Variants in C3orf20 observed in about 807,000 individuals in gnomAD.
C3orf20 encodes family with sequence similarity 149 member C, also known as uncharacterized protein C3orf20.
A neutral mutation model predicts 88.3 loss-of-function variants in C3orf20; 76 were observed. The observed-to-expected ratio is 0.86, with a 90% CI of 0.72 to 1.04. C3orf20 has a LOEUF of 1.04. Ranked by LOEUF, C3orf20 falls within the 50% of genes least tolerant of loss-of-function variation. C3orf20 has a pLI of 0.00. For synonymous variants in C3orf20, 436 were observed against 437.4 expected, an observed-to-expected ratio of 1.00 and a Z score of 0.04; for missense variants, 1,056 against 1,123.3, an observed-to-expected ratio of 0.94 and a Z score of 0.86.
At chr3:14,703,778 C>T (rs1011564858) in intron 6 of C3orf20, among the ~76,000 whole-genome samples, 1 of 152,238 alleles carries the variant, frequency 6.6e-6, no homozygotes, top group Admixed American at 6.5e-5. Flanking sequence ...CCAAAAAGAC[C>T]CTTGACATGG....
Position 14,682,691 on chromosome 3 carries a change from C to CT in C3orf20, c.-20dup. 11 of 1,585,336 alleles carry CT rather than the reference C, an allele frequency of 6.9e-6. No individual in the cohort carries two copies. Among genetic ancestry groups the CT allele is most frequent in the African/African-American group, 4.0e-5 (3 of 74,412 alleles). On this transcript the variant is annotated 5_prime_UTR_variant, in exon 3 of 17. Transcript: ENST00000253697. ...TCTCAGTCACCTCTCAGAGAGCTCT[C>CT]TTTATAGCTGAAGGTCCCTCTCATG...
At position 14,683,043 on chromosome 3, in the gene C3orf20, C is replaced by A; in HGVS notation, c.330C>A (p.Thr110=). The change falls in exon 3 of 17, where the codon ACC becomes ACA. Residue 110 remains threonine, a synonymous_variant. Transcript: ENST00000253697. ...PAPPRPVLLA[T]TGAAKRSTLS... ...CACCACGTCCAGTGCTGCTGGCAAC[C>A]ACTGGGGCAGCCAAGCGCTCCACCC... 3.1e-6 allele frequency: 5 copies of A among 1,611,894 alleles called. No homozygotes were observed. Among genetic ancestry groups the A allele is most frequent in the African/African-American group, 1.3e-5 (1 of 74,982 alleles).
intron 10 of C3orf20, among the ~76,000 whole-genome samples, chr3:14,724,831 T>C (rs538467048): frequency 6.6e-6 from 1 of 152,298 alleles, no homozygotes; most frequent in African/African-American, 2.4e-5. Context: ...GGCTAGAAGG[T>C]AGAGTCTCTA....
intron 12 of C3orf20, among the ~76,000 whole-genome samples, chr3:14,736,296 C>CTT (rs35624221): frequency 0.81 from 119,613 of 147,328 alleles, 49,055 homozygotes; most frequent in Non-Finnish European, 0.88. Context: ...TTTTATTTCA[C>CTT]TTTTTTTTTT....
chr3:14,687,275 C>T (rs1336453381), intron 4 of C3orf20, among the ~76,000 whole-genome samples: 1 of 152,170 alleles, frequency 6.6e-6, no homozygotes, highest in Non-Finnish European at 1.5e-5. Flanking sequence ...TTAATGTGTT[C>T]TTAGAGTACC....
At chr3:14,734,745 T>C (rs1248420079) in intron 12 of C3orf20, among the ~76,000 whole-genome samples, 1 of 152,122 alleles carries the variant, frequency 6.6e-6, no homozygotes. Context: ...ATCTTATATA[T>C]ACTTATAAAT....
At chr3:14,691,104 G>A (rs960356627) in intron 5 of C3orf20, among the ~76,000 whole-genome samples, 2 of 152,232 alleles carry the variant, frequency 1.3e-5, no homozygotes, top group Non-Finnish European at 2.9e-5. Flanking sequence ...CTAACTGTCA[G>A]TCTCTGTACC....
chr3:14,715,426 C>T lies in C3orf20; in HGVS notation c.1434+17C>T. 1 of 1,606,534 alleles carries T rather than the reference C, an allele frequency of 6.2e-7. No homozygotes were observed. Among genetic ancestry groups the T allele is most frequent in the African/African-American group, 1.3e-5 (1 of 74,928 alleles). On this transcript the variant is annotated intron_variant, in intron 9 of 16. Coordinates refer to ENST00000253697, the MANE Select transcript of C3orf20 (RefSeq NM_032137.5). ...GAATACAAGGTAGGGATGGGCAGCACAGGTTGGGTGGCAGTGAGCACCACT... is the reference window on the plus strand; with the variant it reads ...GAATACAAGGTAGGGATGGGCAGCATAGGTTGGGTGGCAGTGAGCACCACT...
At chr3:14,677,480 C>G (rs936295643) in intron 1 of C3orf20, among the ~76,000 whole-genome samples, 8 of 152,058 alleles carry the variant, frequency 5.3e-5, no homozygotes, top group African/African-American at 1.9e-4. Flanking sequence ...GCTCCTAGGA[C>G]TGGACATCCT....
chr3:14,678,306 A>G (rs1433064560), intron 1 of C3orf20, among the ~76,000 whole-genome samples: 2 of 152,224 alleles, frequency 1.3e-5, no homozygotes, highest in African/African-American at 4.8e-5. Flanking sequence ...GCCATTGGGA[A>G]CATCACACAG....
At chr3:14,761,931 G>A (rs185979189) in intron 15 of C3orf20, among the ~76,000 whole-genome samples, 2 of 152,230 alleles carry the variant, frequency 1.3e-5, no homozygotes, top group East Asian at 3.9e-4. Context: ...AGAGGGACAT[G>A]GGAATGCTTG....
chr3:14,675,379 G>A (rs564203894), intron 1 of C3orf20, 127 bp downstream of exon 1: 42 of 152,388 alleles, frequency 2.8e-4, no homozygotes, highest in African/African-American at 9.9e-4. Context: ...GGTGGGCTGT[G>A]GACATTATCT....
rs202171817 is a variant in C3orf20, at chr3:14,730,297, C to CA, written c.1940+1610dup. Reference sequence around the variant, plus strand: ...GTGCGGTGGCCCACGCCTGTAATCCCAGCACTTTGGGAGGCCGAGGCGGGC... The same window carrying CA: ...GTGCGGTGGCCCACGCCTGTAATCCCAAGCACTTTGGGAGGCCGAGGCGGGC... On this transcript the variant is annotated intron_variant, in intron 12 of 16. Coordinates refer to ENST00000253697, the MANE Select transcript of C3orf20 (RefSeq NM_032137.5). Among the ~76,000 whole-genome samples, 1,090 of 152,186 alleles carry CA rather than the reference C, an allele frequency of 7.2e-3. 11 individuals carry two copies. Among genetic ancestry groups the CA allele is most frequent in the African/African-American group, 0.025 (1,035 of 41,522 alleles).
At chr3:14,738,382 G>A (rs1377504420) in intron 12 of C3orf20, among the ~76,000 whole-genome samples, 3 of 150,820 alleles carry the variant, frequency 2.0e-5, no homozygotes, top group Non-Finnish European at 4.4e-5. Flanking sequence ...AGGCTGGAGT[G>A]CAGTGGCGTG....
At chr3:14,693,848 A>G (rs544733643) in intron 5 of C3orf20, among the ~76,000 whole-genome samples, 16 of 152,288 alleles carry the variant, frequency 1.1e-4, no homozygotes, top group African/African-American at 2.4e-4. Flanking sequence ...GGCTTTTACT[A>G]TGTTAAAGCA....
In C3orf20 at chr3:14,714,166, G is replaced by A; in HGVS notation, c.1313+7G>A. Reference sequence around the variant, plus strand: ...ACTACAACCTAAAAACCAGGTAAGTGGACTGGGAGAGTACTAGTCACACGG... The same window carrying A: ...ACTACAACCTAAAAACCAGGTAAGTAGACTGGGAGAGTACTAGTCACACGG... On this transcript the variant is annotated splice_region_variant and intron_variant, in intron 8 of 16. Coordinates refer to ENST00000253697, the MANE Select transcript of C3orf20 (RefSeq NM_032137.5). 2 of 1,613,318 alleles carry A rather than the reference G, an allele frequency of 1.2e-6. No individual in the cohort carries two copies. Among genetic ancestry groups the A allele is most frequent in the Admixed American group, 3.3e-5 (2 of 59,998 alleles).
At chr3:14,688,623 G>C (rs1453901140) in intron 4 of C3orf20, among the ~76,000 whole-genome samples, 1 of 151,668 alleles carries the variant, frequency 6.6e-6, no homozygotes, top group Admixed American at 6.6e-5. Flanking sequence ...CTCCTGTCCT[G>C]ATACCTACTA....
chr3:14,720,676 G>C (rs1391953531), intron 9 of C3orf20, among the ~76,000 whole-genome samples: 1 of 152,148 alleles, frequency 6.6e-6, no homozygotes, highest in Non-Finnish European at 1.5e-5. Flanking sequence ...GCAGTGTAGG[G>C]CTGCACACTC....
intron 1 of C3orf20, among the ~76,000 whole-genome samples, chr3:14,677,466 A>G (rs1036531113): frequency 1.3e-5 from 2 of 151,812 alleles, no homozygotes; most frequent in Non-Finnish European, 1.5e-5. Context: ...ATACCCTTCC[A>G]GGTGCTCCTA....
Sources: allele counts gnomAD v4.1 joint callset (sites outside exome capture counted in the v4.1 genomes callset), GRCh38; gene constraint gnomAD v4.1.1; transcripts MANE v1.5; gene names NCBI Gene and HGNC (gene_info 2026-07-23, HGNC 2026-07-21).